Variants in PALM observed in about 807,000 individuals in gnomAD.
The protein encoded by PALM is paralemmin.
In PALM, 18 loss-of-function variants were observed where a neutral mutation model predicts 30.7. The ratio of observed to expected loss-of-function variants is 0.59; its 90% CI spans 0.41 to 0.87. PALM has a LOEUF of 0.87. PALM is among the 40% of genes least tolerant of loss of function. The pLI is 0.00. For synonymous variants in PALM, 286 were observed against 242.8 expected (o/e 1.18, Z -1.66); for missense variants, 529 against 555.4 (o/e 0.95, Z 0.48).
intron 1 of PALM, among the ~76,000 whole-genome samples, chr19:716,875 TAC>T (rs1461709079): frequency 1.3e-5 from 2 of 152,122 alleles, no homozygotes; most frequent in Non-Finnish European, 2.9e-5. Flanking sequence ...TTTCACACGC[TAC>T]ACAGTCTGGC....
intron 1 of PALM, among the ~76,000 whole-genome samples, chr19:723,223 G>T (rs1203903663): frequency 6.6e-6 from 1 of 152,102 alleles, no homozygotes; most frequent in Non-Finnish European, 1.5e-5. Flanking sequence ...GGAAACTGAG[G>T]CCCAGAGAGG....
intron 1 of PALM, among the ~76,000 whole-genome samples, chr19:723,927 G>T (rs1047990229): frequency 6.6e-6 from 1 of 151,892 alleles, no homozygotes; most frequent in Admixed American, 6.6e-5. Flanking sequence ...CACCTACTAC[G>T]TGCAGCTTTC....
rs1190388823 is a variant in PALM at position 734,165 on chromosome 19, T to C, written c.421-8T>C. 6.2e-6 allele frequency: 10 copies of C among 1,613,830 alleles called. No homozygotes were observed. The Admixed American group carries it at 1.2e-4, about 19-fold the overall frequency. On this transcript the variant is annotated splice_region_variant and splice_polypyrimidine_tract_variant and intron_variant, in intron 5 of 8. Transcript: ENST00000338448. Reference sequence around the variant, plus strand: ...ACGCCCCTGACCCTTCTCTCTTCTTTCTTGCAGACGCCGGTGGGCACGCCC... The same window carrying C: ...ACGCCCCTGACCCTTCTCTCTTCTTCCTTGCAGACGCCGGTGGGCACGCCC...
At chr19:731,735 C>T (rs1440761959) in intron 5 of PALM, among the ~76,000 whole-genome samples, 1 of 152,134 alleles carries the variant, frequency 6.6e-6, no homozygotes, top group Non-Finnish European at 1.5e-5. Flanking sequence ...GTGGTACAGT[C>T]TGCAACCTCC....
chr19:727,646 T>C lies in PALM; in HGVS notation c.221T>C (p.Met74Thr), dbSNP rs759280819. The C allele has an allele frequency of 1.9e-6, 3 of 1,571,882 alleles. No individual in the cohort carries two copies. Among genetic ancestry groups the C allele is most frequent in the South Asian group, 2.3e-5 (2 of 85,678 alleles). Residue 74 changes from methionine to threonine, a missense_variant, in exon 4 of 9, where the codon ATG becomes ACG. Met to Thr is a moderately conservative substitution (Grantham distance 81). Coordinates refer to ENST00000338448, the MANE Select transcript of PALM (RefSeq NM_002579.3). ...SEGDEDLRRQ[M>T]QDDEQKTRLL... ...GGGGATGAGGACCTGAGGAGGCAGATGCAGGACGACGAGCAGAAGACACGG... is the reference window on the plus strand; with the variant it reads ...GGGGATGAGGACCTGAGGAGGCAGACGCAGGACGACGAGCAGAAGACACGG...
chr19:721,914 C>T (rs2032495278), intron 1 of PALM, among the ~76,000 whole-genome samples: 1 of 144,726 alleles, frequency 6.9e-6, no homozygotes, highest in Non-Finnish European at 1.5e-5. Context: ...TAAAAATTTT[C>T]ATTTTTTTAA....
rs536624238 is a variant in PALM, at chr19:713,106, GCTCT to G, written c.5+3960_5+3963del. 1.2e-4 allele frequency among the ~76,000 whole-genome samples: 18 copies of G among 152,302 alleles called. 1 individual carries two copies. In the South Asian group the frequency reaches 3.5e-3, roughly 30 times the overall value. ...GTTTGCTGCTGGGTGGGCCGAGCAT[GCTCT>G]CTCTAAGCCGCCGGGGACAGGGGAG... On this transcript the variant is annotated intron_variant, in intron 1 of 8. Coordinates refer to ENST00000338448, the MANE Select transcript of PALM (RefSeq NM_002579.3).
chr19:734,808 G>A (rs2032974295), intron 6 of PALM: 1 of 158,256 alleles, frequency 6.3e-6, no homozygotes. Flanking sequence ...CCCCAGCCTG[G>A]GCGACAGAGC....
At chr19:710,673 A>G (rs1177847626) in intron 1 of PALM, among the ~76,000 whole-genome samples, 1 of 25,260 alleles carries the variant, frequency 4.0e-5, no homozygotes, top group South Asian at 2.2e-3. Flanking sequence ...CCCCCCCTCC[A>G]TCACACAGCA....
chr19:726,965 G>GGGGGGGGGCCCCCCCCC, intron 2 of PALM, 43 bp from the exon 3 acceptor site: 1 of 1,037,614 alleles, frequency 9.6e-7, no homozygotes, highest in Non-Finnish European at 1.4e-6. Context: ...GGGTCTCCGG[G>GGGGGGGGGCCCCCCCCC]ACCCCCACGC....
intron 4 of PALM, among the ~76,000 whole-genome samples, chr19:729,650 C>T (rs985891330): frequency 2.6e-5 from 4 of 151,680 alleles, no homozygotes; most frequent in Non-Finnish European, 4.4e-5. Flanking sequence ...TTAGTAGAGA[C>T]GGGGTTTCAC....
At chr19:720,639 C>G (rs9676580) in intron 1 of PALM, among the ~76,000 whole-genome samples, 34,179 of 72,026 alleles carry the variant, frequency 0.47, 5,184 homozygotes, top group East Asian at 0.7. Context: ...CCCGTGACTG[C>G]GGGGGCCAGG....
At chr19:728,929 G>A (rs755876963) in intron 4 of PALM, among the ~76,000 whole-genome samples, 4 of 151,542 alleles carry the variant, frequency 2.6e-5, no homozygotes, top group East Asian at 1.9e-4. Context: ...GCGTGAACCC[G>A]GGAGGCGGAG....
At chr19:730,141 C>T (rs2032825393) in intron 4 of PALM, among the ~76,000 whole-genome samples, 1 of 152,186 alleles carries the variant, frequency 6.6e-6, no homozygotes, top group East Asian at 1.9e-4. Flanking sequence ...CAGGCACCTC[C>T]TGCAGGAAGC....
At position 726,995 on chromosome 19, in the gene PALM, G is replaced by GCC; in HGVS notation, c.58-11_58-10dup. ...CCACGCCCATCCCTGACCCCACCCG[G>GCC]CCCTCCCCACAGGAGAAGCGGAAGC... On this transcript the variant is annotated splice_polypyrimidine_tract_variant and intron_variant, in intron 2 of 8. Coordinates refer to ENST00000338448, the MANE Select transcript of PALM (RefSeq NM_002579.3). The GCC allele has an allele frequency of 6.6e-6, 5 of 753,602 alleles. No individual in the cohort carries two copies. Among genetic ancestry groups the GCC allele is most frequent in the East Asian group, 5.3e-5 (1 of 18,982 alleles). 46.7% of individuals were successfully genotyped at this position (753,602 alleles called of 1,614,324 possible). A position where few individuals can be genotyped will look rare whatever the true frequency, so the allele number is the denominator to read the frequency against.
At chr19:737,366 AGGGCTGAGGCT>A (rs2033054020) in intron 7 of PALM, among the ~76,000 whole-genome samples, 1 of 152,202 alleles carries the variant, frequency 6.6e-6, no homozygotes. Context: ...TCTGGGGTGG[AGGGCTGAGGCT>A]GTGCAGAGCT....
intron 1 of PALM, chr19:711,287 T>A (rs2032072360): frequency 5.4e-6 from 3 of 552,618 alleles, no homozygotes; most frequent in African/African-American, 4.1e-5. Flanking sequence ...GGCCCCTGCG[T>A]GACACATGGT....
Position 730,256 on chromosome 19 carries a change from G to A in PALM, c.270-839G>A, listed in dbSNP as rs577287137. Among the ~76,000 whole-genome samples the A allele has an allele frequency of 3.3e-5, 5 of 152,262 alleles. No homozygotes were observed. In the South Asian group the frequency reaches 6.2e-4, roughly 19 times the overall value. On this transcript the variant is annotated intron_variant, in intron 4 of 8. Transcript: ENST00000338448. ...TTGGAGGGGACACAAGTCTGGCTCT[G>A]TGTCCAACCTGTCAGCCTGGGCCCA...
At chr19:725,367 T>A (rs545846210) in intron 1 of PALM, among the ~76,000 whole-genome samples, 1 of 149,504 alleles carries the variant, frequency 6.7e-6, no homozygotes, top group African/African-American at 2.4e-5. Context: ...GAGACCAGCC[T>A]GGCCAACATG....
Sources: gnomAD v4.1 joint callset for allele counts (sites outside exome capture counted in the v4.1 genomes callset) on GRCh38, gnomAD v4.1.1 for gene constraint, MANE v1.5 for transcripts, NCBI Gene and HGNC (gene_info 2026-07-23, HGNC 2026-07-21) for gene names.